Variants in ADAMTS20 observed in about 807,000 individuals in gnomAD.
ADAMTS20 encodes A disintegrin and metalloproteinase with thrombospondin motifs 20.
ADAMTS20 carries 225 observed loss-of-function variants against 260.1 expected under a neutral mutation model. The ratio of observed to expected loss-of-function variants is 0.87; its 90% CI spans 0.78 to 0.97. The LOEUF is 0.97. Ranked by LOEUF, ADAMTS20 falls within the 50% of genes least tolerant of loss-of-function variation. The pLI is 0.00. For synonymous variants in ADAMTS20, 802 were observed against 769.5 expected (o/e 1.04, Z -0.70); for missense variants, 2,400 against 2,337.7 (o/e 1.03, Z -0.55).
chr12:43,383,825 C>T lies in ADAMTS20; in HGVS notation c.4605G>A (p.Gly1535=). The stretch of plus-strand genomic sequence containing the variant: ...TCACATTCAGCCTCCCTCTTTCCAT[C>T]CCCTTGTGCTGCACACAGTCCTGAC... ...CWSQDCVQHK[G]MERGRLNCST... Residue 1535 remains glycine, a synonymous_variant, in exon 30 of 39, where the codon GGG becomes GGA. Transcript: ENST00000389420. 1 of 1,613,866 alleles carries T rather than the reference C, an allele frequency of 6.2e-7. No individual in the cohort carries two copies. Among genetic ancestry groups the T allele is most frequent in the African/African-American group, 1.3e-5 (1 of 75,038 alleles).
At chr12:43,374,231 C>T (rs1478077570) in intron 36 of ADAMTS20, among the ~76,000 whole-genome samples, 1 of 151,746 alleles carries the variant, frequency 6.6e-6, no homozygotes. Context: ...AAATGATAGC[C>T]ATCATTATTA....
intron 3 of ADAMTS20, among the ~76,000 whole-genome samples, chr12:43,525,097 A>C (rs1943124007): frequency 6.6e-6 from 1 of 152,200 alleles, no homozygotes; most frequent in African/African-American, 2.4e-5. Flanking sequence ...TCTAAAGTAA[A>C]CATAAAAGAA....
intron 11 of ADAMTS20, among the ~76,000 whole-genome samples, chr12:43,460,747 A>G (rs1942044383): frequency 6.6e-6 from 1 of 151,934 alleles, no homozygotes; most frequent in Admixed American, 6.6e-5. Flanking sequence ...CTGTGGTATA[A>G]AGGAATGAAC....
At position 43,423,450 on chromosome 12, in the gene ADAMTS20, G is replaced by A. The variant is rs1306359787; in HGVS notation, c.4284+2064C>T. 1.5e-5 allele frequency: 6 copies of A among 398,614 alleles called. No homozygotes were observed. In the East Asian group the frequency reaches 2.1e-4, roughly 14 times the overall value. 24.7% of individuals were successfully genotyped at this position (398,614 alleles called of 1,614,324 possible). A position where few individuals can be genotyped will look rare whatever the true frequency, so the allele number is the denominator to read the frequency against. On this transcript the variant is annotated intron_variant, in intron 28 of 38. Coordinates refer to ENST00000389420, the MANE Select transcript of ADAMTS20 (RefSeq NM_025003.5). ...GTAAATGTTTAATGCTTGGTGAATTGAAGTCATGAATGGGTAGGGAAAATA... is the reference window on the plus strand; with the variant it reads ...GTAAATGTTTAATGCTTGGTGAATTAAAGTCATGAATGGGTAGGGAAAATA...
intron 3 of ADAMTS20, among the ~76,000 whole-genome samples, chr12:43,515,980 T>C (rs568807608): frequency 6.6e-6 from 1 of 152,264 alleles, no homozygotes; most frequent in Admixed American, 6.5e-5. Flanking sequence ...TACAACTGAA[T>C]ACATGCAAAA....
intron 20 of ADAMTS20, 22 bp from the exon 21 acceptor site, chr12:43,432,490 G>T: frequency 1.3e-6 from 2 of 1,590,124 alleles, no homozygotes; most frequent in South Asian, 2.3e-5. Flanking sequence ...AAAAAAAGTG[G>T]TAACTAATGG....
chr12:43,522,037 C>T (rs2137483492), intron 3 of ADAMTS20, among the ~76,000 whole-genome samples: 1 of 152,230 alleles, frequency 6.6e-6, no homozygotes, highest in South Asian at 2.1e-4. Flanking sequence ...TCTTAATACC[C>T]AGCTGTATTA....
At chr12:43,521,756 T>C (rs1359005577) in intron 3 of ADAMTS20, among the ~76,000 whole-genome samples, 1 of 152,130 alleles carries the variant, frequency 6.6e-6, no homozygotes, top group Non-Finnish European at 1.5e-5. Context: ...ATCCTTAAAG[T>C]TCTTTCATAA....
intron 11 of ADAMTS20, among the ~76,000 whole-genome samples, chr12:43,456,104 T>C (rs1941959884): frequency 6.6e-6 from 1 of 152,226 alleles, no homozygotes; most frequent in African/African-American, 2.4e-5. Context: ...CTGTTTCCCA[T>C]AGAAAAATAT....
chr12:43,381,311 T>G (rs1269631626), intron 31 of ADAMTS20, among the ~76,000 whole-genome samples: 1 of 152,074 alleles, frequency 6.6e-6, no homozygotes, highest in African/African-American at 2.4e-5. Context: ...GGCAATAGTT[T>G]CTTAGATATG....
chr12:43,423,787 G>C lies in ADAMTS20; in HGVS notation c.4284+1727C>G, dbSNP rs934551263. ...ATGTTTCAATTGTCTCTGGATCACA[G>C]TGCCTAGGATATAGTAGATGGTCAG... On this transcript the variant is annotated intron_variant, in intron 28 of 38. Transcript: ENST00000389420. The C allele has an allele frequency of 1.3e-5, 9 of 702,726 alleles. No individual in the cohort carries two copies. The African/African-American group carries it at 1.4e-4, about 11-fold the overall frequency. The allele number at this position is 702,726 out of a possible 1,614,324, so 43.5% of individuals were successfully genotyped here. A position where few individuals can be genotyped will look rare whatever the true frequency, so the allele number is the denominator to read the frequency against.
intron 3 of ADAMTS20, among the ~76,000 whole-genome samples, chr12:43,507,201 A>G (rs1436878661): frequency 6.6e-6 from 1 of 152,226 alleles, no homozygotes; most frequent in East Asian, 1.9e-4. Context: ...ATCAATCATC[A>G]TGATGTATAC....
chr12:43,386,843 T>C (rs1009375856), intron 29 of ADAMTS20, among the ~76,000 whole-genome samples: 13 of 152,220 alleles, frequency 8.5e-5, no homozygotes, highest in Admixed American at 7.9e-4. Flanking sequence ...CATCAGGTCA[T>C]TTATGTTCTT....
chr12:43,529,548 C>T (rs1943192311), intron 3 of ADAMTS20, among the ~76,000 whole-genome samples: 2 of 152,096 alleles, frequency 1.3e-5, no homozygotes, highest in Admixed American at 1.3e-4. Flanking sequence ...GAAGTAATTT[C>T]AGGAATGAAA....
In ADAMTS20 at chr12:43,526,214, G is replaced by A. The variant is rs557962032; in HGVS notation, c.613+5822C>T. 1.9e-4 allele frequency among the ~76,000 whole-genome samples: 29 copies of A among 152,300 alleles called. No homozygotes were observed. The South Asian group carries it at 4.0e-3, about 21-fold the overall frequency. On this transcript the variant is annotated intron_variant, in intron 3 of 38. Transcript: ENST00000389420. Reference sequence around the variant, plus strand: ...GCTCACGCCTGTAATCCAGCACTACGGGAGGCCGAGGTGGGTGGATCACGA... The same window carrying A: ...GCTCACGCCTGTAATCCAGCACTACAGGAGGCCGAGGTGGGTGGATCACGA...
At chr12:43,466,464 CAT>C (rs979344890) in intron 9 of ADAMTS20, among the ~76,000 whole-genome samples, 186 bp downstream of exon 9, 4 of 151,044 alleles carry the variant, frequency 2.6e-5, no homozygotes, top group East Asian at 2.0e-4. Context: ...AAATTATATA[CAT>C]GTATATATAT....
chr12:43,500,418 A>G (rs4768503), intron 4 of ADAMTS20, among the ~76,000 whole-genome samples: 50,069 of 152,068 alleles, frequency 0.33, 8,864 homozygotes, highest in East Asian at 0.75. Context: ...AATCTTGTAC[A>G]TATCAACTGA....
chr12:43,428,939 A>G (rs1042044961), intron 24 of ADAMTS20, 140 bp from the exon 25 acceptor site: 13 of 686,698 alleles, frequency 1.9e-5, no homozygotes, highest in African/African-American at 5.6e-5. Context: ...ATTACCTGAC[A>G]TCACTTCTGA....
intron 3 of ADAMTS20, among the ~76,000 whole-genome samples, chr12:43,517,655 T>C (rs1318896022): frequency 6.6e-6 from 1 of 152,062 alleles, no homozygotes; most frequent in Non-Finnish European, 1.5e-5. Flanking sequence ...TAGATATCTC[T>C]TTTTTTCTTT....
Sources: gnomAD v4.1 joint callset for allele counts (sites outside exome capture counted in the v4.1 genomes callset) on GRCh38, gnomAD v4.1.1 for gene constraint, MANE v1.5 for transcripts, NCBI Gene and HGNC (gene_info 2026-07-23, HGNC 2026-07-21) for gene names.